Variants in ATL2 observed in about 807,000 individuals in gnomAD.
ATL2 encodes the protein atlastin GTPase 2.
Under a neutral mutation model 73.9 loss-of-function variants are expected in ATL2, and 31 were observed. The ratio of observed to expected loss-of-function variants is 0.42; its 90% CI spans 0.32 to 0.57. ATL2 has a LOEUF of 0.57. ATL2 is among the 20% of genes least tolerant of loss of function. The probability of loss-of-function intolerance (pLI) is 0.14; values close to 1 mark genes in which losing one functional copy is unlikely to be tolerated. For missense variants in ATL2, 738 were observed against 702.6 expected (o/e 1.05, Z -0.57); for synonymous variants, 291 against 237.5 (o/e 1.23, Z -2.07).
chr2:38,368,314 G>C (rs1056757212), intron 1 of ATL2, among the ~76,000 whole-genome samples: 2 of 149,340 alleles, frequency 1.3e-5, no homozygotes, highest in African/African-American at 2.5e-5. Flanking sequence ...GCGCAATGGT[G>C]CAATCTCAGT....
rs187458387 is a variant in ATL2 at position 38,331,644 on chromosome 2, A to G, written c.363+11624T>C. Among the ~76,000 whole-genome samples, 617 of 151,104 alleles carry G rather than the reference A, an allele frequency of 4.1e-3. 3 individuals carry two copies. The highest frequency in any genetic ancestry group is 7.5e-3 in the Admixed American group (113 of 15,136). On this transcript the variant is annotated intron_variant, in intron 2 of 12. Transcript: ENST00000378954. ...AAAAAAAAAAAAATAGAACATGTATACAGATCAATGGAATAGAACTGAGAG... is the reference window on the plus strand; with the variant it reads ...AAAAAAAAAAAAATAGAACATGTATGCAGATCAATGGAATAGAACTGAGAG...
At chr2:38,350,514 C>T (rs564209716) in intron 1 of ATL2, among the ~76,000 whole-genome samples, 12 of 152,082 alleles carry the variant, frequency 7.9e-5, no homozygotes, top group African/African-American at 7.2e-5. Flanking sequence ...CTCTATAATA[C>T]GAAATTGGTT....
At chr2:38,363,124 A>G (rs1671104723) in intron 1 of ATL2, among the ~76,000 whole-genome samples, 1 of 152,208 alleles carries the variant, frequency 6.6e-6, no homozygotes, top group African/African-American at 2.4e-5. Context: ...TCCATAAAGG[A>G]GTACACTGAA....
Position 38,294,924 on chromosome 2 carries a change from TA to T in ATL2, c.*1069del, listed in dbSNP as rs1204209646. 7.7e-6 allele frequency: 1 copy of T among 130,082 alleles called. No individual in the cohort carries two copies. Among genetic ancestry groups the T allele is most frequent in the African/African-American group, 2.9e-5 (1 of 34,860 alleles). The allele number at this position is 130,082 out of a possible 1,614,324, so 8.1% of individuals were successfully genotyped here. On this transcript the variant is annotated 3_prime_UTR_variant, in exon 13 of 13. Coordinates refer to ENST00000378954, the MANE Select transcript of ATL2 (RefSeq NM_001135673.4). ...CAAATTTTTAATTATGTACTGAAAA[TA>T]AATTACAGGAAATAACTTTAAAATG...
chr2:38,331,964 T>C (rs1669022253), intron 2 of ATL2, among the ~76,000 whole-genome samples: 1 of 152,206 alleles, frequency 6.6e-6, no homozygotes, highest in African/African-American at 2.4e-5. Context: ...AAGTGTGGTA[T>C]ATCCACACAA....
chr2:38,298,823 G>C (rs558438995), intron 11 of ATL2, among the ~76,000 whole-genome samples: 10 of 152,162 alleles, frequency 6.6e-5, no homozygotes, highest in African/African-American at 2.4e-4. Context: ...ACTGTGCTCT[G>C]TATCTGCCTT....
At chr2:38,317,802 T>TA (rs5830529) in intron 4 of ATL2, among the ~76,000 whole-genome samples, 74,214 of 149,922 alleles carry the variant, frequency 0.5, 20,161 homozygotes, top group African/African-American at 0.75. Context: ...TCTTTTCCTT[T>TA]AAAAAAAAAA....
chr2:38,298,456 G>C lies in ATL2; in HGVS notation c.1320C>G (p.Phe440Leu). 6.2e-7 allele frequency: 1 copy of C among 1,614,166 alleles called. No homozygotes were observed. Among genetic ancestry groups the C allele is most frequent in the South Asian group, 1.1e-5 (1 of 91,084 alleles). The change falls in exon 12 of 13, where the codon TTC (phenylalanine) becomes TTG (leucine). Residue 440 changes from phenylalanine to leucine, a missense_variant. Transcript: ENST00000378954. ...RSVKKMGGDE[F>L]CRRYQDQLEA... is the part of the protein sequence containing the mutation. ...CAAGCTGGTCCTGATAACGACGGCA[G>C]AACTCATCTCCACCCATCTTTTTTA...
At chr2:38,350,697 A>T (rs529006617) in intron 1 of ATL2, among the ~76,000 whole-genome samples, 1 of 152,250 alleles carries the variant, frequency 6.6e-6, no homozygotes, top group South Asian at 2.1e-4. Flanking sequence ...CAGTGTGTAT[A>T]TGGAGTGGCA....
intron 4 of ATL2, among the ~76,000 whole-genome samples, chr2:38,315,600 G>C (rs1406552953): frequency 6.6e-6 from 1 of 152,096 alleles, no homozygotes; most frequent in Non-Finnish European, 1.5e-5. Flanking sequence ...AGTGGTAGAA[G>C]AACAAGTGTG....
At chr2:38,363,661 A>G (rs576705290) in intron 1 of ATL2, among the ~76,000 whole-genome samples, 13 of 152,180 alleles carry the variant, frequency 8.5e-5, no homozygotes, top group Non-Finnish European at 1.5e-4. Flanking sequence ...ACCAACTCCA[A>G]CAATTCTCAG....
Position 38,319,604 on chromosome 2 carries a change from C to CAAA in ATL2, c.364-588_364-586dup, listed in dbSNP as rs56693226. ...ACAGAGTGAGATCCTGCCTCAAAAA[C>CAAA]AAAAAAAAAAAAGAGAGAGAGAGAG... On this transcript the variant is annotated intron_variant, in intron 2 of 12. Coordinates refer to ENST00000378954, the MANE Select transcript of ATL2 (RefSeq NM_001135673.4). Among the ~76,000 whole-genome samples the CAAA allele has an allele frequency of 3.6e-3, 459 of 126,920 alleles. 2 individuals are homozygous for CAAA. Among genetic ancestry groups the CAAA allele is most frequent in the African/African-American group, 0.011 (381 of 33,490 alleles). The allele number at this position is 126,920 out of a possible 152,430, so 83.3% of individuals were successfully genotyped here. A position where few individuals can be genotyped will look rare whatever the true frequency, so the allele number is the denominator to read the frequency against.
intron 1 of ATL2, among the ~76,000 whole-genome samples, chr2:38,367,035 A>T (rs1348793266): frequency 2.0e-5 from 3 of 151,958 alleles, no homozygotes; most frequent in African/African-American, 7.2e-5. Flanking sequence ...ACAGAGTCTC[A>T]CTATGTCGCC....
At chr2:38,327,540 C>CAAAAAAAAAAAAAAACACA (rs1668735278) in intron 2 of ATL2, among the ~76,000 whole-genome samples, 1 of 89,962 alleles carries the variant, frequency 1.1e-5, no homozygotes, top group Non-Finnish European at 2.4e-5. Context: ...AAAAAAAGTA[C>CAAAAAAAAAAAAAAACACA]AAAAAAAAAA....
chr2:38,318,294 G>A (rs6544156), intron 4 of ATL2: 23,118 of 306,058 alleles, frequency 0.076, 2,727 homozygotes, highest in African/African-American at 0.33. Flanking sequence ...CCTGCCCAAC[G>A]TGGTGAAACC....
intron 1 of ATL2, among the ~76,000 whole-genome samples, chr2:38,357,576 C>T (rs1159569844): frequency 1.4e-5 from 2 of 138,292 alleles, no homozygotes; most frequent in African/African-American, 5.7e-5. Flanking sequence ...CGCTTGAACC[C>T]GGGAGGCGGA....
chr2:38,299,347 A>C lies in ATL2; in HGVS notation c.1129-20T>G, dbSNP rs746949871. Reference sequence around the variant, plus strand: ...TGTTGCCTAAAAAATAAAATATGCCATTATTATGCAAAAAATACTCTATGA... The same window carrying C: ...TGTTGCCTAAAAAATAAAATATGCCCTTATTATGCAAAAAATACTCTATGA... On this transcript the variant is annotated intron_variant, in intron 10 of 12. Transcript: ENST00000378954. 5 of 1,517,890 alleles carry C rather than the reference A, an allele frequency of 3.3e-6. No individual in the cohort carries two copies. In the African/African-American group the frequency reaches 7.4e-5, roughly 22 times the overall value. The allele number at this position is 1,517,890 out of a possible 1,614,324, so 94.0% of individuals were successfully genotyped here.
At chr2:38,312,583 C>T (rs1174784578) in intron 7 of ATL2, among the ~76,000 whole-genome samples, 6 of 151,974 alleles carry the variant, frequency 3.9e-5, no homozygotes, top group Admixed American at 1.3e-4. Context: ...TGGTGGCGGG[C>T]GCCTGTAATC....
At position 38,343,989 on chromosome 2, in the gene ATL2, CTT is replaced by C. The variant is rs1669878626; in HGVS notation, c.119-479_119-478del. ...GTGAAACTTTGATTCCATTAAACCT[CTT>C]TCTTTTGTAAATTGCCCAGTCTCAA... On this transcript the variant is annotated intron_variant, in intron 1 of 12. Coordinates refer to ENST00000378954, the MANE Select transcript of ATL2 (RefSeq NM_001135673.4). Among the ~76,000 whole-genome samples the C allele has an allele frequency of 3.3e-5, 5 of 152,148 alleles. No individual in the cohort carries two copies. In the South Asian group the frequency reaches 8.3e-4, roughly 25 times the overall value.
Sources: allele counts gnomAD v4.1 joint callset (sites outside exome capture counted in the v4.1 genomes callset), GRCh38; gene constraint gnomAD v4.1.1; transcripts MANE v1.5; gene names NCBI Gene and HGNC (gene_info 2026-07-23, HGNC 2026-07-21).